RSU1: variants seen among roughly 807,000 people sequenced by gnomAD.
RSU1 encodes rsu-1.
RSU1 carries 26 observed loss-of-function variants against 31.1 expected under a neutral mutation model. The observed-to-expected ratio is 0.84, with a 90% confidence interval of 0.61 to 1.16. The LOEUF (loss-of-function observed/expected upper bound fraction) is 1.16, where lower values mean the gene tolerates loss of function less well. RSU1 is among the 50% of genes most tolerant of loss of function. RSU1 has a pLI of 0.00. For synonymous variants in RSU1, 164 were observed against 136.3 expected (o/e 1.20, Z -1.41); for missense variants, 320 against 339.1 (o/e 0.94, Z 0.44).
At chr10:16,807,080 G>A (rs778807869) in intron 2 of RSU1, among the ~76,000 whole-genome samples, 8 of 152,190 alleles carry the variant, frequency 5.3e-5, no homozygotes, top group South Asian at 2.1e-4. Context: ...GAGCCACTGC[G>A]CCCAGCCTCA....
At chr10:16,709,447 A>T (rs1201802192) in intron 7 of RSU1, among the ~76,000 whole-genome samples, 2 of 152,172 alleles carry the variant, frequency 1.3e-5, no homozygotes, top group Non-Finnish European at 2.9e-5. Context: ...ATAGTGCCGC[A>T]ATAAACATAC....
At chr10:16,735,389 G>C (rs552814637) in intron 7 of RSU1, among the ~76,000 whole-genome samples, 1 of 152,170 alleles carries the variant, frequency 6.6e-6, no homozygotes, top group African/African-American at 2.4e-5. Flanking sequence ...AACCTCTGGC[G>C]GTTGTGTAAA....
At chr10:16,798,863 A>C (rs1241103173) in intron 2 of RSU1, among the ~76,000 whole-genome samples, 1 of 152,236 alleles carries the variant, frequency 6.6e-6, no homozygotes, top group African/African-American at 2.4e-5. Flanking sequence ...ACACATCGAC[A>C]ACACTCCAGA....
intron 2 of RSU1, among the ~76,000 whole-genome samples, chr10:16,805,570 G>T (rs1255720659): frequency 2.0e-5 from 3 of 151,198 alleles, no homozygotes; most frequent in Non-Finnish European, 3.0e-5. Context: ...CAGTTACTCG[G>T]GAGGCTGAGG....
At chr10:16,696,475 T>C (rs1835678634) in intron 7 of RSU1, among the ~76,000 whole-genome samples, 1 of 152,146 alleles carries the variant, frequency 6.6e-6, no homozygotes, top group East Asian at 1.9e-4. Flanking sequence ...CTTGCAACTA[T>C]TCAGAAAAAC....
In RSU1 at chr10:16,643,831, A is replaced by G. The variant is rs146357133; in HGVS notation, c.732-50335T>C. 4.8e-4 allele frequency among the ~76,000 whole-genome samples: 73 copies of G among 152,268 alleles called. 2 individuals are homozygous for G. The East Asian group carries it at 0.014, about 29-fold the overall frequency. ...TGTCTGCAAGCCCAGTCAACTCCAA[A>G]TAAAAAAAATACTCAAAGAAAAAAC... On this transcript the variant is annotated intron_variant, in intron 8 of 8. Transcript: ENST00000345264.
intron 8 of RSU1, among the ~76,000 whole-genome samples, chr10:16,680,981 T>C (rs747863943): frequency 6.6e-6 from 1 of 152,232 alleles, no homozygotes; most frequent in Admixed American, 6.5e-5. Flanking sequence ...ATAAATGCTA[T>C]AGGCTTAACA....
chr10:16,782,847 T>C (rs1422179610), intron 2 of RSU1, among the ~76,000 whole-genome samples: 1 of 151,264 alleles, frequency 6.6e-6, no homozygotes, highest in East Asian at 1.9e-4. Context: ...AAAACTTTAC[T>C]GTATGTGTCA....
At chr10:16,747,350 G>A (rs1161036439) in intron 7 of RSU1, among the ~76,000 whole-genome samples, 2 of 152,000 alleles carry the variant, frequency 1.3e-5, no homozygotes, top group African/African-American at 2.4e-5. Flanking sequence ...ATACCCTATC[G>A]CCTTCTCAAT....
At chr10:16,660,088 A>G (rs946376920) in intron 8 of RSU1, among the ~76,000 whole-genome samples, 2 of 152,240 alleles carry the variant, frequency 1.3e-5, no homozygotes, top group Non-Finnish European at 2.9e-5. Flanking sequence ...TGGAGCAGAC[A>G]GCAGATTTGT....
chr10:16,702,729 G>A (rs1200900751), intron 7 of RSU1, among the ~76,000 whole-genome samples: 1 of 152,216 alleles, frequency 6.6e-6, no homozygotes, highest in Non-Finnish European at 1.5e-5. Context: ...GAAGGGACCA[G>A]CCTTGTCTGA....
At chr10:16,788,277 A>G (rs1402332520) in intron 2 of RSU1, among the ~76,000 whole-genome samples, 1 of 152,100 alleles carries the variant, frequency 6.6e-6, no homozygotes, top group Non-Finnish European at 1.5e-5. Context: ...GCCATCCCCT[A>G]TGCATGGCTC....
At chr10:16,715,625 G>C (rs1474497185) in intron 7 of RSU1, among the ~76,000 whole-genome samples, 1 of 152,160 alleles carries the variant, frequency 6.6e-6, no homozygotes, top group African/African-American at 2.4e-5. Flanking sequence ...TTTAGGCAAG[G>C]ATTTATTTCT....
intron 8 of RSU1, among the ~76,000 whole-genome samples, chr10:16,601,541 A>G (rs1011971558): frequency 3.3e-5 from 5 of 152,124 alleles, no homozygotes; most frequent in Non-Finnish European, 7.4e-5. Flanking sequence ...TGGCCATTCA[A>G]ATATTATAAT....
intron 2 of RSU1, among the ~76,000 whole-genome samples, chr10:16,805,904 A>C (rs1437610896): frequency 3.9e-5 from 6 of 152,050 alleles, no homozygotes; most frequent in African/African-American, 1.4e-4. Flanking sequence ...AGTTAAGTAA[A>C]AGCCTTGCAT....
At chr10:16,704,404 T>G (rs1302311941) in intron 7 of RSU1, among the ~76,000 whole-genome samples, 1 of 152,208 alleles carries the variant, frequency 6.6e-6, no homozygotes, top group African/African-American at 2.4e-5. Flanking sequence ...GGTTTAGGAT[T>G]CATACTCAAG....
intron 3 of RSU1, among the ~76,000 whole-genome samples, chr10:16,778,198 T>C (rs971356287): frequency 1.3e-5 from 2 of 151,906 alleles, no homozygotes; most frequent in Non-Finnish European, 2.9e-5. Context: ...GGTCTTGCTA[T>C]GTTGCCCAGG....
intron 2 of RSU1, among the ~76,000 whole-genome samples, chr10:16,789,120 G>T (rs1055587739): frequency 6.6e-5 from 10 of 152,238 alleles, no homozygotes; most frequent in African/African-American, 1.9e-4. Context: ...GATTTAATGA[G>T]GGAAAACTGG....
intron 2 of RSU1, among the ~76,000 whole-genome samples, chr10:16,806,710 A>G (rs1299487446): frequency 6.6e-6 from 1 of 152,176 alleles, no homozygotes; most frequent in East Asian, 1.9e-4. Flanking sequence ...TAAATTACAT[A>G]GGCATCTTTG....
Sources: gnomAD v4.1 joint callset for allele counts (sites outside exome capture counted in the v4.1 genomes callset) on GRCh38, gnomAD v4.1.1 for gene constraint, MANE v1.5 for transcripts, NCBI Gene and HGNC (gene_info 2026-07-23, HGNC 2026-07-21) for gene names.